SYN3: variants seen among roughly 807,000 people sequenced by gnomAD.
The protein encoded by SYN3 is synapsin III.
Under a neutral mutation model 65.8 loss-of-function variants are expected in SYN3, and 35 were observed. The observed-to-expected ratio is 0.53, with a 90% CI of 0.41 to 0.70. SYN3 has a LOEUF of 0.70. Among genes scored for constraint, SYN3 ranks in the 30% least tolerant of loss-of-function variants. The pLI, the probability that SYN3 is intolerant of heterozygous loss-of-function variation, is 0.00. For missense variants in SYN3, 680 were observed against 749.0 expected (o/e 0.91, Z 1.08); for synonymous variants, 270 against 292.9 (o/e 0.92, Z 0.80).
Position 32,512,077 on chromosome 22 carries a change from G to A in SYN3, c.*1615C>T, listed in dbSNP as rs2057697004. ...GGTTGAGAGTTCTAAGTGATCCAAT[G>A]CCCACAGAAGGAGAGGGTCTCTGGC... is the stretch of plus-strand genomic sequence containing the variant. On this transcript the variant is annotated 3_prime_UTR_variant, in exon 14 of 14. Transcript: ENST00000358763. Among the ~76,000 whole-genome samples the A allele has an allele frequency of 6.6e-6, 1 of 152,200 alleles. No homozygotes were observed. Among genetic ancestry groups the A allele is most frequent in the Non-Finnish European group, 1.5e-5 (1 of 68,032 alleles).
chr22:32,737,538 T>C (rs1374547703), intron 6 of SYN3, among the ~76,000 whole-genome samples: 4 of 152,064 alleles, frequency 2.6e-5, no homozygotes, highest in Non-Finnish European at 5.9e-5. Context: ...ACTGTTCAAT[T>C]CCCACCTATG....
At chr22:32,850,472 C>T (rs1601537513) in intron 6 of SYN3, among the ~76,000 whole-genome samples, 1 of 152,138 alleles carries the variant, frequency 6.6e-6, no homozygotes, top group East Asian at 1.9e-4. Context: ...AAGACTGGGG[C>T]TTCACCTTGA....
chr22:33,010,164 G>A (rs1056696993), intron 1 of SYN3, among the ~76,000 whole-genome samples: 4 of 151,966 alleles, frequency 2.6e-5, no homozygotes, highest in Non-Finnish European at 5.9e-5. Flanking sequence ...CCTGGGAGGC[G>A]GAGGTTGCGG....
At chr22:32,898,925 AC>A (rs1310316610) in intron 4 of SYN3, among the ~76,000 whole-genome samples, 1 of 151,958 alleles carries the variant, frequency 6.6e-6, no homozygotes, top group Non-Finnish European at 1.5e-5. Context: ...ACATGGTGAA[AC>A]CCCATCTCTA....
chr22:32,755,410 G>A (rs1225853317), intron 6 of SYN3, among the ~76,000 whole-genome samples: 3 of 152,154 alleles, frequency 2.0e-5, no homozygotes, highest in Admixed American at 6.5e-5. Context: ...GCATTCAAAC[G>A]TTACATGGCA....
chr22:32,775,224 A>C (rs528962975), intron 6 of SYN3, among the ~76,000 whole-genome samples: 4 of 152,116 alleles, frequency 2.6e-5, no homozygotes, highest in South Asian at 4.2e-4. Flanking sequence ...CAAGTTCTCT[A>C]GAGTTTCTTC....
chr22:32,571,212 C>T (rs1409832074), intron 7 of SYN3, among the ~76,000 whole-genome samples: 2 of 151,852 alleles, frequency 1.3e-5, no homozygotes, highest in African/African-American at 2.4e-5. Context: ...CCCAGAGCAT[C>T]CCCCCTCCCC....
Position 32,743,694 on chromosome 22 carries a change from A to G in SYN3, c.711+121221T>C, listed in dbSNP as rs371398307. On this transcript the variant is annotated intron_variant, in intron 6 of 13. Transcript: ENST00000358763. ...TTAGCTGCCTCTCCCCTTGGACTCT[A>G]ATTTGCACAGATGAGCTTGAAGGCC... 2.6e-5 allele frequency among the ~76,000 whole-genome samples: 4 copies of G among 152,086 alleles called. No homozygotes were observed. The East Asian group carries it at 7.7e-4, about 29-fold the overall frequency.
chr22:32,559,329 T>C (rs1019770133), intron 7 of SYN3, among the ~76,000 whole-genome samples: 8 of 152,204 alleles, frequency 5.3e-5, no homozygotes, highest in Non-Finnish European at 1.0e-4. Context: ...AACAAATAGA[T>C]ATATGACATA....
intron 4 of SYN3, among the ~76,000 whole-genome samples, chr22:32,886,529 C>G (rs1248498388): frequency 6.6e-6 from 1 of 152,184 alleles, no homozygotes; most frequent in East Asian, 1.9e-4. Flanking sequence ...AAAATATATA[C>G]TTTATAAAGG....
intron 2 of SYN3, among the ~76,000 whole-genome samples, chr22:32,992,323 G>A (rs2052741567): frequency 6.6e-6 from 1 of 152,214 alleles, no homozygotes. Context: ...TGCACCTGAG[G>A]GGAGCTCATT....
At chr22:32,924,846 C>T (rs913141247) in intron 4 of SYN3, among the ~76,000 whole-genome samples, 11 of 152,080 alleles carry the variant, frequency 7.2e-5, no homozygotes, top group South Asian at 2.1e-4. Flanking sequence ...AATCCCAGCA[C>T]GTTAGGAGGC....
chr22:32,682,199 T>G (rs2060533329), intron 6 of SYN3, among the ~76,000 whole-genome samples: 1 of 152,132 alleles, frequency 6.6e-6, no homozygotes, highest in African/African-American at 2.4e-5. Flanking sequence ...GGGATGCTAC[T>G]GGCCTCTAGT....
chr22:32,927,615 T>C (rs2050510906), intron 4 of SYN3, among the ~76,000 whole-genome samples: 1 of 152,208 alleles, frequency 6.6e-6, no homozygotes, highest in Non-Finnish European at 1.5e-5. Context: ...ACCCTCAATC[T>C]CTACTAACTT....
At chr22:32,746,273 A>G (rs184154483) in intron 6 of SYN3, among the ~76,000 whole-genome samples, 2 of 152,324 alleles carry the variant, frequency 1.3e-5, no homozygotes, top group African/African-American at 4.8e-5. Flanking sequence ...TTTTATGACC[A>G]GCTGGTGCCC....
At chr22:32,548,842 G>A (rs2058371403) in intron 7 of SYN3, among the ~76,000 whole-genome samples, 2 of 152,158 alleles carry the variant, frequency 1.3e-5, no homozygotes, top group South Asian at 4.1e-4. Flanking sequence ...ATGCACGCAA[G>A]GCTGTTTATT....
At chr22:32,968,040 G>A (rs542953093) in intron 3 of SYN3, among the ~76,000 whole-genome samples, 4 of 152,314 alleles carry the variant, frequency 2.6e-5, no homozygotes, top group East Asian at 3.9e-4. Context: ...AGTGTGAAAC[G>A]GCTTAGTCCA....
intron 6 of SYN3, among the ~76,000 whole-genome samples, chr22:32,663,085 G>A (rs1001153424): frequency 4.6e-5 from 7 of 152,162 alleles, no homozygotes; most frequent in Non-Finnish European, 8.8e-5. Context: ...CTCAAGTAGA[G>A]GGGGTTGGAA....
chr22:32,605,009 A>G (rs2059351830), intron 6 of SYN3, among the ~76,000 whole-genome samples: 1 of 147,194 alleles, frequency 6.8e-6, no homozygotes. Context: ...CCATCTCAGA[A>G]AAAAAAAAAA....
Sources: allele counts gnomAD v4.1 joint callset (sites outside exome capture counted in the v4.1 genomes callset), GRCh38; gene constraint gnomAD v4.1.1; transcripts MANE v1.5; gene names NCBI Gene and HGNC (gene_info 2026-07-23, HGNC 2026-07-21).